Variants in PCSK2 observed in about 807,000 individuals in gnomAD.
PCSK2 encodes proprotein convertase subtilisin/kexin type 2.
PCSK2 carries 14 observed loss-of-function variants against 69.7 expected under a neutral mutation model. That is an observed-to-expected ratio of 0.20 (90% CI 0.13 to 0.31). PCSK2 has a LOEUF of 0.31. PCSK2 is among the 10% of genes least tolerant of loss of function. The pLI is 1.00. For synonymous variants in PCSK2, 307 were observed against 320.7 expected (o/e 0.96, Z 0.46); for missense variants, 544 against 842.5 (o/e 0.65, Z 4.39).
chr20:17,330,569 A>G (rs1004896594), intron 2 of PCSK2, among the ~76,000 whole-genome samples: 1 of 152,158 alleles, frequency 6.6e-6, no homozygotes, highest in African/African-American at 2.4e-5. Context: ...GTGAGCCAAG[A>G]TCGCACCACT....
chr20:17,299,540 A>T (rs975353959), intron 2 of PCSK2, among the ~76,000 whole-genome samples: 2 of 152,086 alleles, frequency 1.3e-5, no homozygotes, highest in Non-Finnish European at 2.9e-5. Flanking sequence ...GTTTCAAAAA[A>T]ATAGCCCTTG....
At chr20:17,427,848 G>T (rs545968736) in intron 6 of PCSK2, among the ~76,000 whole-genome samples, 6 of 152,178 alleles carry the variant, frequency 3.9e-5, no homozygotes, top group Non-Finnish European at 7.3e-5. Flanking sequence ...CAATAGGCTA[G>T]CCCGGGCTTA....
At chr20:17,438,499 AT>A (rs1351353634) in intron 8 of PCSK2, among the ~76,000 whole-genome samples, 6 of 152,298 alleles carry the variant, frequency 3.9e-5, no homozygotes, top group Non-Finnish European at 8.8e-5. Context: ...GTTTGAGAAC[AT>A]AGTGGATGAG....
intron 1 of PCSK2, among the ~76,000 whole-genome samples, chr20:17,241,664 T>C (rs967557574): frequency 2.0e-5 from 3 of 152,346 alleles, no homozygotes; most frequent in African/African-American, 7.2e-5. Context: ...TGATTAATTA[T>C]TGTCCTTGTA....
intron 11 of PCSK2, among the ~76,000 whole-genome samples, chr20:17,473,333 C>T (rs185733628): frequency 0.022 from 3,312 of 152,088 alleles, 96 homozygotes; most frequent in East Asian, 0.12. Flanking sequence ...ACCTCGTGTT[C>T]CGACCCCTCG....
rs73897876 is a variant in PCSK2 at position 17,296,769 on chromosome 20, A to G, written c.282+36425A>G. On this transcript the variant is annotated intron_variant, in intron 2 of 11. Coordinates refer to ENST00000262545, the MANE Select transcript of PCSK2 (RefSeq NM_002594.5). ...GAGAAGGATTTTTCTTGGTGAAGTC[A>G]CTTCAACCCTAAAAGTTTGGGTGAA... Among the ~76,000 whole-genome samples the G allele has an allele frequency of 3.0e-3, 454 of 152,362 alleles. 3 individuals are homozygous for G. Among genetic ancestry groups the G allele is most frequent in the African/African-American group, 0.011 (439 of 41,586 alleles).
intron 6 of PCSK2, among the ~76,000 whole-genome samples, chr20:17,416,759 C>T (rs1036763387): frequency 7.2e-5 from 11 of 152,164 alleles, no homozygotes; most frequent in Non-Finnish European, 1.3e-4. Context: ...ATAGCAAAGA[C>T]TTGGAACCAA....
At chr20:17,434,879 C>T (rs955373275) in intron 7 of PCSK2, among the ~76,000 whole-genome samples, 1 of 152,136 alleles carries the variant, frequency 6.6e-6, no homozygotes, top group African/African-American at 2.4e-5. Context: ...CTGCACTGAC[C>T]AGTTTATTCT....
At chr20:17,434,688 G>T (rs935652481) in intron 7 of PCSK2, among the ~76,000 whole-genome samples, 13 of 152,174 alleles carry the variant, frequency 8.5e-5, no homozygotes, top group African/African-American at 2.9e-4. Flanking sequence ...GGCATTCGTT[G>T]GTTTGTGGGG....
intron 6 of PCSK2, among the ~76,000 whole-genome samples, chr20:17,423,530 G>A (rs1452933815): frequency 6.6e-6 from 1 of 152,080 alleles, no homozygotes; most frequent in Non-Finnish European, 1.5e-5. Context: ...ATCTGGAAAG[G>A]GCAGAGGATT....
intron 6 of PCSK2, among the ~76,000 whole-genome samples, chr20:17,421,187 T>C (rs940263632): frequency 1.3e-4 from 20 of 152,202 alleles, no homozygotes; most frequent in African/African-American, 4.8e-4. Flanking sequence ...ATACCTTGTA[T>C]GCATGAAACA....
intron 11 of PCSK2, among the ~76,000 whole-genome samples, chr20:17,477,448 T>G (rs1434782198): frequency 6.6e-6 from 1 of 152,042 alleles, no homozygotes; most frequent in African/African-American, 2.4e-5. Context: ...AAATCAGGCT[T>G]AAACAACAAT....
chr20:17,350,262 T>C (rs1196872210), intron 2 of PCSK2, among the ~76,000 whole-genome samples: 1 of 151,226 alleles, frequency 6.6e-6, no homozygotes, highest in Non-Finnish European at 1.5e-5. Flanking sequence ...CAACCCATCA[T>C]AGTGGTAAAT....
intron 3 of PCSK2, among the ~76,000 whole-genome samples, chr20:17,358,693 T>C (rs1442209409): frequency 6.6e-6 from 1 of 152,214 alleles, no homozygotes; most frequent in African/African-American, 2.4e-5. Context: ...TGGAATTCTC[T>C]TCAGTTCTGA....
chr20:17,480,432 G>A (rs1199374106), intron 11 of PCSK2, among the ~76,000 whole-genome samples: 4 of 151,790 alleles, frequency 2.6e-5, no homozygotes, highest in South Asian at 2.1e-4. Flanking sequence ...CTCATGATCC[G>A]CCCGCCTCGG....
intron 2 of PCSK2, among the ~76,000 whole-genome samples, chr20:17,298,491 C>T (rs374643453): frequency 4.6e-5 from 7 of 152,186 alleles, no homozygotes; most frequent in East Asian, 3.9e-4. Flanking sequence ...AGGACAGAGT[C>T]CACAACAAAG....
intron 6 of PCSK2, 119 bp from the exon 7 acceptor site, chr20:17,429,316 G>C: frequency 1.3e-6 from 1 of 746,604 alleles, no homozygotes; most frequent in South Asian, 1.6e-5. Flanking sequence ...GTGACACAGG[G>C]TTTACTTGTA....
At chr20:17,411,569 A>C (rs1245602602) in intron 6 of PCSK2, among the ~76,000 whole-genome samples, 1 of 152,042 alleles carries the variant, frequency 6.6e-6, no homozygotes, top group East Asian at 1.9e-4. Context: ...GCCTCTATAG[A>C]CTCCACCTCT....
Position 17,469,644 on chromosome 20 carries a change from C to G in PCSK2, c.1430+4091C>G, listed in dbSNP as rs542471004. On this transcript the variant is annotated intron_variant, in intron 11 of 11. Coordinates refer to ENST00000262545, the MANE Select transcript of PCSK2 (RefSeq NM_002594.5). ...ACCCCAGGCTCTTTTCACTACATGACCTTGACCTTAATCAGCTCCCGTGCA... is the reference window on the plus strand; with the variant it reads ...ACCCCAGGCTCTTTTCACTACATGAGCTTGACCTTAATCAGCTCCCGTGCA... Among the ~76,000 whole-genome samples, 9 of 152,286 alleles carry G rather than the reference C, an allele frequency of 5.9e-5. No individual in the cohort carries two copies. The South Asian group carries it at 1.0e-3, about 18-fold the overall frequency.
Sources: gnomAD v4.1 joint callset for allele counts (sites outside exome capture counted in the v4.1 genomes callset) on GRCh38, gnomAD v4.1.1 for gene constraint, MANE v1.5 for transcripts, NCBI Gene and HGNC (gene_info 2026-07-23, HGNC 2026-07-21) for gene names.